MALRD1: variants seen among roughly 807,000 people sequenced by gnomAD.
MALRD1 encodes the protein MAM and LDL receptor class A domain containing 1, also known as MAM and LDL-receptor class A domain-containing protein 1.
Under a neutral mutation model 242.1 loss-of-function variants are expected in MALRD1, and 247 were observed. The observed-to-expected ratio is 1.02, with a 90% CI of 0.92 to 1.13. The LOEUF (loss-of-function observed/expected upper bound fraction) is 1.13, where lower values mean the gene tolerates loss of function less well. MALRD1 is among the 50% of genes most tolerant of loss of function. MALRD1 has a pLI of 0.00. For missense variants in MALRD1, 2,989 were observed against 2,533.1 expected (o/e 1.18, Z -3.86); for synonymous variants, 995 against 866.6 (o/e 1.15, Z -2.60).
In MALRD1 at chr10:19,232,058, G is replaced by A. The variant is rs80224522; in HGVS notation, c.2991+22378G>A. Among the ~76,000 whole-genome samples the A allele has an allele frequency of 8.6e-3, 1,309 of 152,194 alleles. 22 individuals carry two copies. Among genetic ancestry groups the A allele is most frequent in the African/African-American group, 0.03 (1,246 of 41,508 alleles). ...TCTGAAAACGTTAGTATTAGGGGAA[G>A]TAGGGTGAGGGACATAGGGGGCACT... On this transcript the variant is annotated intron_variant, in intron 18 of 39. Coordinates refer to ENST00000454679, the MANE Select transcript of MALRD1 (RefSeq NM_001142308.3).
chr10:19,204,421 T>C lies in MALRD1; in HGVS notation c.2210+8T>C. The C allele has an allele frequency of 6.6e-7, 1 of 1,525,950 alleles. No homozygotes were observed. The highest frequency in any genetic ancestry group is 8.9e-7 in the Non-Finnish European group (1 of 1,128,574). 94.5% of individuals were successfully genotyped at this position (1,525,950 alleles called of 1,614,324 possible). On this transcript the variant is annotated splice_region_variant and intron_variant, in intron 16 of 39. Coordinates refer to ENST00000454679, the MANE Select transcript of MALRD1 (RefSeq NM_001142308.3). ...ATGCATACTTTCCTTCTGGTAAATA[T>C]TAAACAAATATTTAAACAATATTAA...
chr10:19,280,375 G>A lies in MALRD1; in HGVS notation c.3256+152G>A, dbSNP rs150667251. 1.9e-3 allele frequency among the ~76,000 whole-genome samples: 294 copies of A among 152,312 alleles called. 6 individuals carry two copies. The East Asian group carries it at 0.047, about 24-fold the overall frequency. On this transcript the variant is annotated intron_variant, in intron 20 of 39. Coordinates refer to ENST00000454679, the MANE Select transcript of MALRD1 (RefSeq NM_001142308.3). ...GTAACAGTTATTCATACAGAAAATT[G>A]TAATGGAAGAATCAGAATGCATTTT...
intron 24 of MALRD1, 127 bp from the exon 25 acceptor site, chr10:19,347,644 A>T (rs1189060564): frequency 1.8e-6 from 2 of 1,112,434 alleles, no homozygotes; most frequent in Non-Finnish European, 2.5e-6. Context: ...ATATGTTGCT[A>T]TCAGGATAGC....
chr10:19,410,894 A>G (rs1231099547), intron 28 of MALRD1, among the ~76,000 whole-genome samples: 2 of 152,182 alleles, frequency 1.3e-5, no homozygotes, highest in Non-Finnish European at 2.9e-5. Context: ...TTTTTGACAT[A>G]AATGTTGCCT....
chr10:19,717,071 G>A (rs1229733004), intron 38 of MALRD1, among the ~76,000 whole-genome samples: 2 of 152,048 alleles, frequency 1.3e-5, no homozygotes, highest in African/African-American at 2.4e-5. Flanking sequence ...TGTTTTATTT[G>A]ATTTAAGAGC....
At chr10:19,670,470 C>G (rs1412963611) in intron 36 of MALRD1, among the ~76,000 whole-genome samples, 1 of 152,186 alleles carries the variant, frequency 6.6e-6, no homozygotes, top group African/African-American at 2.4e-5. Flanking sequence ...ACTAGTCACT[C>G]TACTGAGTTG....
At chr10:19,128,914 G>T (rs898528694) in intron 8 of MALRD1, among the ~76,000 whole-genome samples, 1 of 152,036 alleles carries the variant, frequency 6.6e-6, no homozygotes, top group Non-Finnish European at 1.5e-5. Context: ...GTAAAGCTGG[G>T]TGAGTACTCC....
At chr10:19,371,825 A>G (rs1163994051) in intron 26 of MALRD1, among the ~76,000 whole-genome samples, 1 of 152,210 alleles carries the variant, frequency 6.6e-6, no homozygotes, top group Admixed American at 6.5e-5. Context: ...TTTCAGCTTC[A>G]TAGCACTAGG....
chr10:19,136,758 G>C lies in MALRD1; in HGVS notation c.1388G>C (p.Ser463Thr), dbSNP rs1018414675. 74 of 1,231,684 alleles carry C rather than the reference G, an allele frequency of 6.0e-5. No homozygotes were observed. Among genetic ancestry groups the C allele is most frequent in the African/African-American group, 2.0e-4 (13 of 64,534 alleles). 76.3% of individuals were successfully genotyped at this position (1,231,684 alleles called of 1,614,324 possible). A position where few individuals can be genotyped will look rare whatever the true frequency, so the allele number is the denominator to read the frequency against. Reference protein sequence around the residue: ...CDSRQDCSDESDEDPATCSKH... With the variant: ...CDSRQDCSDETDEDPATCSKH... ...TCTCGGCAGGACTGCTCCGATGAGA[G>C]TGATGAAGACCCAGCAACTTGCTGT... The change falls in exon 10 of 40, where the codon AGT (serine) becomes ACT (threonine). Residue 463 changes from serine to threonine, a missense_variant. Physicochemically the swap from Ser to Thr is moderately conservative, Grantham distance 58. Transcript: ENST00000454679.
At chr10:19,673,483 A>T (rs931893268) in intron 36 of MALRD1, among the ~76,000 whole-genome samples, 11 of 152,202 alleles carry the variant, frequency 7.2e-5, no homozygotes, top group African/African-American at 2.7e-4. Flanking sequence ...CTGCAGCACC[A>T]TATACTCTTA....
At chr10:19,473,797 C>A (rs1159618989) in intron 29 of MALRD1, among the ~76,000 whole-genome samples, 1 of 152,196 alleles carries the variant, frequency 6.6e-6, no homozygotes, top group East Asian at 1.9e-4. Context: ...TGCACAAATA[C>A]CTGCTCAAGT....
In MALRD1 at chr10:19,498,503, C is replaced by A; in HGVS notation, c.5177C>A (p.Thr1726Lys). The change falls in exon 31 of 40, where the codon ACA becomes AAA. Residue 1726 changes from threonine to lysine, a missense_variant. Thr to Lys is a moderately conservative substitution (Grantham distance 78). Coordinates refer to ENST00000454679, the MANE Select transcript of MALRD1 (RefSeq NM_001142308.3). ...EAHCAHYTST[T>K]GSCNFETSSG... ...TCCCCAGCACATTATACAAGCACAA[C>A]AGGAAGCTGCAATTTTGAAACAAGT... is the stretch of plus-strand genomic sequence containing the variant. 6.5e-7 allele frequency: 1 copy of A among 1,550,188 alleles called. No homozygotes were observed. The highest frequency in any genetic ancestry group is 1.2e-5 in the South Asian group (1 of 84,034).
At chr10:19,707,634 GT>G (rs1833927298) in intron 38 of MALRD1, among the ~76,000 whole-genome samples, 1 of 151,936 alleles carries the variant, frequency 6.6e-6, no homozygotes, top group African/African-American at 2.4e-5. Flanking sequence ...GAAGTCATGG[GT>G]TTGATGTGCC....
chr10:19,163,811 A>G (rs943487176), intron 12 of MALRD1, among the ~76,000 whole-genome samples: 11 of 152,218 alleles, frequency 7.2e-5, no homozygotes, highest in African/African-American at 2.4e-4. Flanking sequence ...AATTCTATAG[A>G]AAAAGTAAGT....
At chr10:19,168,357 T>A (rs1439721961) in intron 13 of MALRD1, among the ~76,000 whole-genome samples, 1 of 152,214 alleles carries the variant, frequency 6.6e-6, no homozygotes, top group Non-Finnish European at 1.5e-5. Flanking sequence ...CTATAGAAAA[T>A]TGTTTTCATT....
At chr10:19,444,664 T>C (rs1834862590) in intron 28 of MALRD1, among the ~76,000 whole-genome samples, 2 of 152,230 alleles carry the variant, frequency 1.3e-5, no homozygotes, top group South Asian at 2.1e-4. Flanking sequence ...GTAGACTTTC[T>C]GTGGAAAGAT....
chr10:19,147,000 G>A (rs1160596196), intron 11 of MALRD1, among the ~76,000 whole-genome samples: 3 of 152,076 alleles, frequency 2.0e-5, no homozygotes, highest in Non-Finnish European at 4.4e-5. Flanking sequence ...ATATACGTTA[G>A]CATCGTCTTA....
intron 38 of MALRD1, among the ~76,000 whole-genome samples, chr10:19,697,377 C>T (rs559425978): frequency 2.6e-5 from 4 of 152,070 alleles, no homozygotes; most frequent in South Asian, 2.1e-4. Context: ...TCCCAGTCTG[C>T]GCTTGAGCCC....
chr10:19,432,421 A>G (rs2130951839), intron 28 of MALRD1, among the ~76,000 whole-genome samples: 1 of 152,336 alleles, frequency 6.6e-6, no homozygotes, highest in East Asian at 1.9e-4. Flanking sequence ...AGAATCTGAA[A>G]TCTATTAGTT....
Sources: gnomAD v4.1 joint callset for allele counts (sites outside exome capture counted in the v4.1 genomes callset) on GRCh38, gnomAD v4.1.1 for gene constraint, MANE v1.5 for transcripts, NCBI Gene and HGNC (gene_info 2026-07-23, HGNC 2026-07-21) for gene names.